CADM2: variants seen among roughly 807,000 people sequenced by gnomAD.
The protein encoded by CADM2 is cell adhesion molecule 2.
CADM2 carries 12 observed loss-of-function variants against 49.8 expected under a neutral mutation model. The ratio of observed to expected loss-of-function variants is 0.24; its 90% CI spans 0.15 to 0.39. CADM2 has a LOEUF of 0.39. CADM2 is among the 10% of genes least tolerant of loss of function. The pLI is 1.00. For synonymous variants in CADM2, 214 were observed against 175.4 expected, an observed-to-expected ratio of 1.22 and a Z score of -1.74; for missense variants, 378 against 492.3, an observed-to-expected ratio of 0.77 and a Z score of 2.20.
At chr3:85,455,512 A>G (rs555859815) in intron 1 of CADM2, among the ~76,000 whole-genome samples, 3 of 152,344 alleles carry the variant, frequency 2.0e-5, no homozygotes, top group Middle Eastern at 6.8e-3. Context: ...TTTAAAGAAC[A>G]TAAACCTAAG....
intron 1 of CADM2, among the ~76,000 whole-genome samples, chr3:85,704,630 C>A (rs2066881524): frequency 6.6e-6 from 1 of 151,936 alleles, no homozygotes. Flanking sequence ...AAGTTTCCAC[C>A]TCCTAACATC....
At chr3:85,591,774 C>A (rs140794018) in intron 1 of CADM2, among the ~76,000 whole-genome samples, 2 of 152,106 alleles carry the variant, frequency 1.3e-5, no homozygotes, top group East Asian at 1.9e-4. Context: ...GAGTGAGTCA[C>A]AGCAAAAGAT....
intron 1 of CADM2, among the ~76,000 whole-genome samples, chr3:85,312,522 T>C (rs1303736749): frequency 6.6e-6 from 1 of 152,132 alleles, no homozygotes; most frequent in Non-Finnish European, 1.5e-5. Context: ...TAGTTTGCTA[T>C]GAATTATCCA....
chr3:85,797,869 C>G (rs1005397303), intron 2 of CADM2, among the ~76,000 whole-genome samples: 1 of 152,198 alleles, frequency 6.6e-6, no homozygotes, highest in Non-Finnish European at 1.5e-5. Flanking sequence ...AATTTCTACT[C>G]CCACCAACAG....
chr3:86,014,624 A>G, intron 8 of CADM2: 1 of 1,593,214 alleles, frequency 6.3e-7, no homozygotes. Flanking sequence ...TATTCTTAGA[A>G]CAGCACCTCA....
chr3:85,391,472 T>C (rs1447640373), intron 1 of CADM2, among the ~76,000 whole-genome samples: 1 of 151,984 alleles, frequency 6.6e-6, no homozygotes, highest in Non-Finnish European at 1.5e-5. Flanking sequence ...ATAGTAAGAC[T>C]GCTATAAAGG....
intron 1 of CADM2, among the ~76,000 whole-genome samples, chr3:85,631,730 A>G (rs568937275): frequency 6.6e-6 from 1 of 152,246 alleles, no homozygotes; most frequent in South Asian, 2.1e-4. Flanking sequence ...GTGTATTTTA[A>G]AAAATTTAAT....
At chr3:85,329,319 G>A (rs943960248) in intron 1 of CADM2, among the ~76,000 whole-genome samples, 5 of 151,532 alleles carry the variant, frequency 3.3e-5, no homozygotes, top group African/African-American at 1.2e-4. Context: ...GGAAGATCAC[G>A]AAGTCAGGAG....
At chr3:85,191,980 A>G (rs1308849930) in intron 1 of CADM2, among the ~76,000 whole-genome samples, 1 of 135,464 alleles carries the variant, frequency 7.4e-6, no homozygotes, top group Admixed American at 7.2e-5. Context: ...TATTTTTTTA[A>G]CCACACAAAG....
intron 1 of CADM2, among the ~76,000 whole-genome samples, chr3:85,635,622 CA>C (rs1252737808): frequency 6.6e-6 from 1 of 151,984 alleles, no homozygotes. Context: ...TATCTTGTAA[CA>C]TTAGTGTAAT....
At chr3:85,688,568 T>TC (rs2066284891) in intron 1 of CADM2, among the ~76,000 whole-genome samples, 1 of 150,528 alleles carries the variant, frequency 6.6e-6, no homozygotes, top group South Asian at 2.1e-4. Flanking sequence ...TTTATTCTTT[T>TC]TTTTTTTTTT....
chr3:84,959,001 C>CCGTCGT lies in CADM2; in HGVS notation c.-602_-601insTCGTCG, dbSNP rs908965971. On this transcript the variant is annotated 5_prime_UTR_variant, in exon 1 of 10. Transcript: ENST00000383699. ...TGTCTGGTGCTTCGTAGAGCTGCCG[C>CCGTCGT]CGTCGCCGCTGCCGCTGCCGCCACA... 4.9e-6 allele frequency: 1 copy of CCGTCGT among 202,370 alleles called. No individual in the cohort carries two copies. Among genetic ancestry groups the CCGTCGT allele is most frequent in the Non-Finnish European group, 9.8e-6 (1 of 101,738 alleles). 12.5% of individuals were successfully genotyped at this position (202,370 alleles called of 1,614,324 possible).
At chr3:84,964,352 G>A (rs2030809347) in intron 1 of CADM2, among the ~76,000 whole-genome samples, 1 of 152,198 alleles carries the variant, frequency 6.6e-6, no homozygotes, top group Non-Finnish European at 1.5e-5. Flanking sequence ...TCCTTAAGTA[G>A]TCTGTGGTAT....
intron 1 of CADM2, among the ~76,000 whole-genome samples, chr3:85,554,436 G>T (rs1043196811): frequency 6.7e-6 from 1 of 149,500 alleles, no homozygotes; most frequent in African/African-American, 2.4e-5. Flanking sequence ...CCTGTTCTAG[G>T]CGTTCTTGGA....
intron 8 of CADM2, among the ~76,000 whole-genome samples, chr3:86,022,457 T>A (rs1577979361): frequency 1.3e-5 from 2 of 152,288 alleles, no homozygotes; most frequent in South Asian, 4.1e-4. Context: ...TTAGAGGACT[T>A]CTTGAGAATG....
chr3:85,955,580 A>G (rs60747849), intron 7 of CADM2, among the ~76,000 whole-genome samples: 2,449 of 140,110 alleles, frequency 0.017, 64 homozygotes, highest in African/African-American at 0.057. Context: ...AGAAAAGATT[A>G]GAAGTACTGT....
At chr3:85,134,205 A>G (rs1270731575) in intron 1 of CADM2, among the ~76,000 whole-genome samples, 2 of 152,192 alleles carry the variant, frequency 1.3e-5, no homozygotes, top group African/African-American at 2.4e-5. Context: ...CTGGCCCGCA[A>G]GCGCCGCGCG....
At chr3:85,126,389 T>C (rs556508056) in intron 1 of CADM2, among the ~76,000 whole-genome samples, 1 of 152,110 alleles carries the variant, frequency 6.6e-6, no homozygotes. Context: ...AAAGAAACAA[T>C]AATATAGTAT....
intron 8 of CADM2, among the ~76,000 whole-genome samples, chr3:86,051,056 C>T (rs966142058): frequency 2.0e-5 from 3 of 152,160 alleles, no homozygotes; most frequent in Admixed American, 2.0e-4. Flanking sequence ...AGCTTATATA[C>T]TCTACTTTCT....
Sources: gnomAD v4.1 joint callset for allele counts (sites outside exome capture counted in the v4.1 genomes callset) on GRCh38, gnomAD v4.1.1 for gene constraint, MANE v1.5 for transcripts, NCBI Gene and HGNC (gene_info 2026-07-23, HGNC 2026-07-21) for gene names.